The following CHL1 variants were observed in gnomAD, a reference collection of about 807,000 sequenced individuals.
CHL1 encodes the protein neural cell adhesion molecule L1-like protein.
In CHL1, 96 loss-of-function variants were observed where a neutral mutation model predicts 141.9. The observed-to-expected ratio is 0.68, with a 90% CI of 0.57 to 0.80. The LOEUF (loss-of-function observed/expected upper bound fraction) is 0.80. CHL1 is among the 30% of genes least tolerant of loss of function. CHL1 has a pLI of 0.00. For missense variants in CHL1, 1,820 were observed against 1,457.2 expected (o/e 1.25, Z -4.05); for synonymous variants, 613 against 502.2 (o/e 1.22, Z -2.95).
intron 3 of CHL1, among the ~76,000 whole-genome samples, chr3:320,794 A>G (rs1225040031): frequency 6.6e-6 from 1 of 152,126 alleles, no homozygotes; most frequent in Non-Finnish European, 1.5e-5. Context: ...TTCTTGTATT[A>G]CATGCATATG....
chr3:311,594 C>T (rs1011299284), intron 2 of CHL1, among the ~76,000 whole-genome samples: 2 of 152,132 alleles, frequency 1.3e-5, no homozygotes, highest in Non-Finnish European at 2.9e-5. Flanking sequence ...GAGATAGCAC[C>T]TTGGTTGTAA....
Position 360,358 on chromosome 3 carries a change from G to T in CHL1, c.1240G>T (p.Val414Leu). Residue 414 changes from valine to leucine, a missense_variant, in exon 12 of 28, where the codon GTG (valine) becomes TTG (leucine). Val to Leu is a conservative substitution (Grantham distance 32). Transcript: ENST00000256509. ...CAACCTTCAACCAAATCATACTGCT[G>T]TGTACCAGTGTGAAGCCTCAAATGT... Reference protein sequence around the residue: ...FTNLQPNHTAVYQCEASNVHG... With the variant: ...FTNLQPNHTALYQCEASNVHG... The T allele has an allele frequency of 6.2e-7, 1 of 1,613,500 alleles. No individual in the cohort carries two copies. The highest frequency in any genetic ancestry group is 8.5e-7 in the Non-Finnish European group (1 of 1,179,532).
At chr3:369,127 G>C (rs1705286650) in intron 15 of CHL1, among the ~76,000 whole-genome samples, 1 of 152,008 alleles carries the variant, frequency 6.6e-6, no homozygotes, top group South Asian at 2.1e-4. Context: ...TTCTAATTCT[G>C]TGTAGAATGT....
intron 2 of CHL1, among the ~76,000 whole-genome samples, chr3:255,422 G>T (rs565609253): frequency 6.6e-6 from 1 of 152,178 alleles, no homozygotes; most frequent in South Asian, 2.1e-4. Context: ...GATCATTCAA[G>T]TAACTTAGAA....
chr3:324,397 C>G (rs1700834969), intron 3 of CHL1, among the ~76,000 whole-genome samples: 1 of 151,964 alleles, frequency 6.6e-6, no homozygotes, highest in Non-Finnish European at 1.5e-5. Context: ...ATTAGAGATT[C>G]TAAGAACTGT....
At chr3:305,948 A>G in intron 2 of CHL1, among the ~76,000 whole-genome samples, 1 of 152,332 alleles carries the variant, frequency 6.6e-6, no homozygotes, top group Admixed American at 6.5e-5. Flanking sequence ...ATCAAAACAC[A>G]TAAGACTATT....
rs148193941 is a variant in CHL1, at chr3:299,395, G to T, written c.-94-20288G>T. 4.5e-3 allele frequency among the ~76,000 whole-genome samples: 681 copies of T among 152,244 alleles called. 8 individuals carry two copies. Among genetic ancestry groups the T allele is most frequent in the African/African-American group, 0.016 (656 of 41,550 alleles). ...CATCAGTGAACATATGGACATGGGG[G>T]TGCTGCAGATTCTTACCATTGGTTC... On this transcript the variant is annotated intron_variant, in intron 2 of 27. Coordinates refer to ENST00000256509, the MANE Select transcript of CHL1 (RefSeq NM_006614.4).
rs545196678 is a variant in CHL1, at chr3:229,248, T to G, written c.-174-15365T>G. ...TTTATTAAAAATCCTTCATAATGTT[T>G]TTTTCCTAATTGTTATGTCCTTCGG... On this transcript the variant is annotated intron_variant, in intron 1 of 27. Coordinates refer to ENST00000256509, the MANE Select transcript of CHL1 (RefSeq NM_006614.4). 1.8e-4 allele frequency among the ~76,000 whole-genome samples: 28 copies of G among 152,324 alleles called. No homozygotes were observed. In the East Asian group the frequency reaches 4.8e-3, roughly 26 times the overall value.
intron 2 of CHL1, among the ~76,000 whole-genome samples, chr3:290,901 A>C (rs1697629142): frequency 6.6e-6 from 1 of 150,394 alleles, no homozygotes; most frequent in Non-Finnish European, 1.5e-5. Context: ...GTACCACTGC[A>C]CTCCAGCTTG....
chr3:377,959 A>G lies in CHL1; in HGVS notation c.1876+17A>G, dbSNP rs538777215. On this transcript the variant is annotated intron_variant, in intron 16 of 27. Coordinates refer to ENST00000256509, the MANE Select transcript of CHL1 (RefSeq NM_006614.4). ...CTGTTCTTGGTAAGTGCACTAACTA[A>G]TGAGAAATCTGTTCATTTCTTCATT... The G allele has an allele frequency of 3.2e-6, 5 of 1,582,130 alleles. No homozygotes were observed. The African/African-American group carries it at 7.0e-5, about 22-fold the overall frequency.
At chr3:263,724 C>A (rs1165022177) in intron 2 of CHL1, among the ~76,000 whole-genome samples, 3 of 152,124 alleles carry the variant, frequency 2.0e-5, no homozygotes, top group Non-Finnish European at 4.4e-5. Flanking sequence ...TTTTGCATAT[C>A]TTACTTTTAG....
intron 1 of CHL1, among the ~76,000 whole-genome samples, chr3:230,227 T>C (rs1701738976): frequency 6.6e-6 from 1 of 152,176 alleles, no homozygotes. Flanking sequence ...TCTTTTAAGC[T>C]CCTATATGAT....
intron 2 of CHL1, among the ~76,000 whole-genome samples, chr3:261,450 G>A (rs779678321): frequency 6.6e-6 from 1 of 152,026 alleles, no homozygotes; most frequent in East Asian, 1.9e-4. Context: ...AGAAAATAAG[G>A]CCAGTTGCTA....
At chr3:328,694 A>G (rs1196515790) in intron 5 of CHL1, among the ~76,000 whole-genome samples, 1 of 152,180 alleles carries the variant, frequency 6.6e-6, no homozygotes, top group Non-Finnish European at 1.5e-5. Context: ...ATGTAAACAT[A>G]AAGTTATTCC....
chr3:294,859 T>A (rs1001947106), intron 2 of CHL1, among the ~76,000 whole-genome samples: 2 of 152,252 alleles, frequency 1.3e-5, no homozygotes, highest in African/African-American at 4.8e-5. Flanking sequence ...TTGGCATAGT[T>A]ACATGTCATT....
At chr3:258,866 C>A (rs1694425782) in intron 2 of CHL1, among the ~76,000 whole-genome samples, 1 of 136,548 alleles carries the variant, frequency 7.3e-6, no homozygotes. Context: ...TAACTAAGTC[C>A]CCTTTTTTTT....
At chr3:378,521 A>G (rs1706628646) in intron 16 of CHL1, among the ~76,000 whole-genome samples, 1 of 152,204 alleles carries the variant, frequency 6.6e-6, no homozygotes, top group South Asian at 2.1e-4. Context: ...TGAAATCACC[A>G]ATGTTTAAAG....
intron 2 of CHL1, among the ~76,000 whole-genome samples, chr3:273,605 C>T (rs1695831508): frequency 6.6e-6 from 1 of 151,976 alleles, no homozygotes; most frequent in African/African-American, 2.4e-5. Context: ...CTCATTTTTT[C>T]TGTGCAAGGC....
rs190487116 is a variant in CHL1 at position 229,313 on chromosome 3, C to T, written c.-174-15300C>T. ...TTGAGCACTGATGTGTAAAAAATGG[C>T]AGGAGAAAATGGCATTCACAGAAGG... On this transcript the variant is annotated intron_variant, in intron 1 of 27. Coordinates refer to ENST00000256509, the MANE Select transcript of CHL1 (RefSeq NM_006614.4). Among the ~76,000 whole-genome samples, 146 of 152,244 alleles carry T rather than the reference C, an allele frequency of 9.6e-4. 1 individual carries two copies. The highest frequency in any genetic ancestry group is 8.1e-4 in the Non-Finnish European group (55 of 68,020).
Sources: allele counts gnomAD v4.1 joint callset (sites outside exome capture counted in the v4.1 genomes callset), GRCh38; gene constraint gnomAD v4.1.1; transcripts MANE v1.5; gene names NCBI Gene and HGNC (gene_info 2026-07-23, HGNC 2026-07-21).